The following PAK5 variants were observed in gnomAD, a reference collection of about 807,000 sequenced individuals.
PAK5 encodes p21 (RAC1) activated kinase 5.
Under a neutral mutation model 65.9 loss-of-function variants are expected in PAK5, and 16 were observed. The ratio of observed to expected loss-of-function variants is 0.24; its 90% CI spans 0.16 to 0.37. PAK5 has a LOEUF of 0.37. PAK5 is among the 10% of genes least tolerant of loss of function. PAK5 has a pLI of 1.00. For missense variants in PAK5, 785 were observed against 903.9 expected, an observed-to-expected ratio of 0.87 and a Z score of 1.69; for synonymous variants, 371 against 354.9, an observed-to-expected ratio of 1.05 and a Z score of -0.51.
intron 1 of PAK5, among the ~76,000 whole-genome samples, chr20:9,772,380 A>C (rs979391804): frequency 6.6e-6 from 1 of 152,232 alleles, no homozygotes; most frequent in Non-Finnish European, 1.5e-5. Context: ...AAGAAAAAAC[A>C]GAGTCAAATC....
intron 1 of PAK5, among the ~76,000 whole-genome samples, chr20:9,711,703 T>G (rs906490422): frequency 2.6e-5 from 4 of 152,178 alleles, no homozygotes; most frequent in Admixed American, 2.6e-4. Flanking sequence ...TACAAATCCA[T>G]CTCTCCAATA....
At chr20:9,711,592 G>C (rs541033698) in intron 1 of PAK5, among the ~76,000 whole-genome samples, 157 bp from the exon 2 acceptor site, 1 of 152,226 alleles carries the variant, frequency 6.6e-6, no homozygotes, top group African/African-American at 2.4e-5. Context: ...CTACGGATCT[G>C]TATATTATTA....
Position 9,838,342 on chromosome 20 carries a change from G to T in PAK5, c.-162+420C>A, listed in dbSNP as rs1410907889. Among the ~76,000 whole-genome samples the T allele has an allele frequency of 1.3e-5, 2 of 152,140 alleles. No homozygotes were observed. Among genetic ancestry groups the T allele is most frequent in the African/African-American group, 4.8e-5 (2 of 41,440 alleles). On this transcript the variant is annotated intron_variant, in intron 1 of 9. Transcript: ENST00000353224. The surrounding 1 kb of genome is among the most constrained non-coding windows in gnomAD (Gnocchi z 4.5). ...TCTGGCAATATGTCCAACACTTCTC[G>T]GGAAAAGCAGCGCCGTGGCACCCCC...
intron 1 of PAK5, among the ~76,000 whole-genome samples, chr20:9,772,281 G>A (rs1259201738): frequency 2.0e-5 from 3 of 152,182 alleles, no homozygotes; most frequent in East Asian, 3.9e-4. Flanking sequence ...ATGAGCTGGG[G>A]GAGGTATAAT....
At chr20:9,621,019 A>G (rs1490069005) in intron 3 of PAK5, among the ~76,000 whole-genome samples, 3 of 152,004 alleles carry the variant, frequency 2.0e-5, no homozygotes, top group African/African-American at 7.3e-5. Flanking sequence ...ACTCTTACCC[A>G]ACAAAACAGA....
chr20:9,800,019 GTCT>G (rs974450139), intron 1 of PAK5, among the ~76,000 whole-genome samples: 2 of 149,298 alleles, frequency 1.3e-5, no homozygotes, highest in African/African-American at 2.5e-5. Context: ...AGATAGTGTA[GTCT>G]TCTTCATCAT....
Position 9,571,878 on chromosome 20 carries a change from G to GC in PAK5, c.991-5495_991-5494insG, listed in dbSNP as rs577976166. Among the ~76,000 whole-genome samples, 434 of 146,054 alleles carry GC rather than the reference G, an allele frequency of 3.0e-3. 5 individuals carry two copies. Among genetic ancestry groups the GC allele is most frequent in the Admixed American group, 5.6e-3 (82 of 14,662 alleles). ...CACAGAGATAGGCATGAATGATGGG[G>GC]GGGGGGGATGTGGTCTTAACAGGGG... On this transcript the variant is annotated intron_variant, in intron 4 of 9. Transcript: ENST00000353224.
chr20:9,833,341 TATA>T (rs1383702846), intron 1 of PAK5, among the ~76,000 whole-genome samples: 4 of 152,216 alleles, frequency 2.6e-5, no homozygotes, highest in African/African-American at 9.7e-5. Flanking sequence ...ACTACATTGC[TATA>T]ATGATTGTAG....
chr20:9,724,012 T>A (rs562054911), intron 1 of PAK5, among the ~76,000 whole-genome samples: 1 of 152,192 alleles, frequency 6.6e-6, no homozygotes, highest in South Asian at 2.1e-4. Context: ...CAGCCAATCT[T>A]AGTCTGTGGG....
chr20:9,732,467 C>T (rs2048344456), intron 1 of PAK5, among the ~76,000 whole-genome samples: 2 of 152,148 alleles, frequency 1.3e-5, no homozygotes, highest in Non-Finnish European at 2.9e-5. Context: ...GAAAAAAAAT[C>T]ACTCAGAATT....
At chr20:9,657,125 T>G (rs183402908) in intron 2 of PAK5, among the ~76,000 whole-genome samples, 87 of 152,272 alleles carry the variant, frequency 5.7e-4, no homozygotes, top group African/African-American at 2.0e-3. Context: ...GTGCTATACT[T>G]TTAAAGTTAC....
chr20:9,718,977 C>T (rs1364823923), intron 1 of PAK5, among the ~76,000 whole-genome samples: 2 of 152,118 alleles, frequency 1.3e-5, no homozygotes, highest in Admixed American at 6.5e-5. Flanking sequence ...TTGAAAACAA[C>T]ATCACATTTG....
rs1004110623 is a variant in PAK5 at position 9,612,853 on chromosome 20, T to G, written c.204+31272A>C. On this transcript the variant is annotated intron_variant, in intron 3 of 9. Coordinates refer to ENST00000353224, the MANE Select transcript of PAK5 (RefSeq NM_177990.4). ...TTTCCCCTTTTCTCTAGTTTCCTCA[T>G]GACATTTATCACCACGTGATGTTTA... Among the ~76,000 whole-genome samples, 6 of 152,304 alleles carry G rather than the reference T, an allele frequency of 3.9e-5. No individual in the cohort carries two copies. The South Asian group carries it at 1.2e-3, about 32-fold the overall frequency.
At chr20:9,616,857 A>G (rs1193046451) in intron 3 of PAK5, among the ~76,000 whole-genome samples, 2 of 152,222 alleles carry the variant, frequency 1.3e-5, no homozygotes, top group Non-Finnish European at 2.9e-5. Context: ...CTGTCCCACA[A>G]TGCCAGTAGG....
At chr20:9,790,301 G>T (rs2049036550) in intron 1 of PAK5, among the ~76,000 whole-genome samples, 2 of 151,986 alleles carry the variant, frequency 1.3e-5, no homozygotes, top group Admixed American at 1.3e-4. Context: ...AAATTAATCA[G>T]ATTTGTTTGC....
chr20:9,554,675 C>T (rs921230187), intron 7 of PAK5, among the ~76,000 whole-genome samples: 1 of 152,218 alleles, frequency 6.6e-6, no homozygotes, highest in Non-Finnish European at 1.5e-5. Flanking sequence ...ATAACACACT[C>T]TAAGCCTTTT....
intron 1 of PAK5, among the ~76,000 whole-genome samples, chr20:9,798,664 T>A (rs921562023): frequency 2.0e-5 from 3 of 152,158 alleles, no homozygotes; most frequent in African/African-American, 7.2e-5. Context: ...AAAAGTAGCT[T>A]CCTAGAATTT....
intron 1 of PAK5, among the ~76,000 whole-genome samples, chr20:9,715,332 G>A (rs75024068): frequency 0.67 from 101,062 of 150,654 alleles, 34,093 homozygotes; most frequent in East Asian, 0.84. Context: ...AATGCAAATC[G>A]AAACCACAAT....
intron 1 of PAK5, among the ~76,000 whole-genome samples, chr20:9,814,530 A>G (rs35573680): frequency 3.3e-3 from 498 of 152,340 alleles, no homozygotes; most frequent in Non-Finnish European, 5.1e-3. Context: ...GCCAATTAAA[A>G]TATCACAACA....
Sources: gnomAD v4.1 joint callset for allele counts (sites outside exome capture counted in the v4.1 genomes callset) on GRCh38, gnomAD v4.1.1 for gene constraint, Gnocchi (gnomAD v3.1) non-coding constraint, MANE v1.5 for transcripts, NCBI Gene and HGNC (gene_info 2026-07-23, HGNC 2026-07-21) for gene names.